Variants in TPTE2 observed in about 807,000 individuals in gnomAD.
The protein encoded by TPTE2 is phosphatidylinositol 3,4,5-trisphosphate 3-phosphatase TPTE2.
Under a neutral mutation model 78.6 loss-of-function variants are expected in TPTE2, and 53 were observed. The ratio of observed to expected loss-of-function variants is 0.67; its 90% CI spans 0.54 to 0.85. TPTE2 has a LOEUF of 0.85. Ranked by LOEUF, TPTE2 falls within the 40% of genes least tolerant of loss-of-function variation. TPTE2 has a pLI of 0.00. For synonymous variants in TPTE2, 175 were observed against 206.2 expected (o/e 0.85, Z 1.30); for missense variants, 461 against 623.0 (o/e 0.74, Z 2.77).
intron 1 of TPTE2, among the ~76,000 whole-genome samples, chr13:19,511,380 C>T (rs1247114126): frequency 1.3e-5 from 2 of 149,766 alleles, no homozygotes; most frequent in African/African-American, 5.0e-5. Context: ...GGCAAAACAA[C>T]AATACATAGT....
intron 1 of TPTE2, among the ~76,000 whole-genome samples, chr13:19,509,622 C>G (rs561974370): frequency 9.2e-5 from 14 of 152,244 alleles, no homozygotes; most frequent in Admixed American, 2.0e-4. Context: ...TATTTAAAGG[C>G]TTTCCCTCTC....
At chr13:19,527,112 C>T (rs1870551774) in intron 1 of TPTE2, among the ~76,000 whole-genome samples, 1 of 152,058 alleles carries the variant, frequency 6.6e-6, no homozygotes, top group Non-Finnish European at 1.5e-5. Flanking sequence ...TCAAGACCAG[C>T]CTGGCCAACA....
chr13:19,554,704 A>G, the TPTE2 span, among the ~76,000 whole-genome samples: 1 of 152,194 alleles, frequency 6.6e-6, no homozygotes, highest in African/African-American at 2.4e-5. Flanking sequence ...ACTCTTGCCA[A>G]GCCCACTAAA....
At chr13:19,499,922 AAG>A (rs1229928495) in intron 1 of TPTE2, among the ~76,000 whole-genome samples, 2 of 144,594 alleles carry the variant, frequency 1.4e-5, no homozygotes, top group Non-Finnish European at 3.0e-5. Flanking sequence ...TAAAGAAAAA[AAG>A]AGAGAAGAAT....
chr13:19,516,744 C>A lies in TPTE2; in HGVS notation c.-43-13467G>T. ...ACAGAGCATTCACCATTAGGGCAAC[C>A]AGCCGCCCCTGTAGGAAAGATTAAA... On this transcript the variant is annotated intron_variant, in intron 1 of 17. Transcript: ENST00000390680. Among the ~76,000 whole-genome samples the A allele has an allele frequency of 1.3e-5, 2 of 152,108 alleles. 1 individual carries two copies. The highest frequency in any genetic ancestry group is 6.3e-3 in the Middle Eastern group (2 of 316).
chr13:19,443,737 TAC>T (rs373060672), intron 13 of TPTE2, among the ~76,000 whole-genome samples: 61,653 of 129,468 alleles, frequency 0.48, 14,107 homozygotes, highest in Non-Finnish European at 0.55. Context: ...TGGTAGCTAA[TAC>T]ACACACACAC....
chr13:19,504,529 A>G (rs1278514282), upstream of TPTE2, among the ~76,000 whole-genome samples: 1 of 151,976 alleles, frequency 6.6e-6, no homozygotes, highest in Non-Finnish European at 1.5e-5. Flanking sequence ...CTCCCTGTCC[A>G]CTGCTACTCG....
At chr13:19,466,961 C>G (rs1285410170) in intron 7 of TPTE2, among the ~76,000 whole-genome samples, 1 of 152,216 alleles carries the variant, frequency 6.6e-6, no homozygotes, top group East Asian at 1.9e-4. Context: ...AAAGTTAGTA[C>G]AAGAGTAAAA....
At chr13:19,426,172 T>G in intron 18 of TPTE2, 2 of 371,824 alleles carry the variant, frequency 5.4e-6, no homozygotes, top group South Asian at 2.5e-5. Flanking sequence ...TTTTTTGTGT[T>G]TATTTTGTAT....
intron 1 of TPTE2, among the ~76,000 whole-genome samples, chr13:19,528,308 A>G (rs1870645184): frequency 6.6e-6 from 1 of 151,834 alleles, no homozygotes; most frequent in African/African-American, 2.4e-5. Flanking sequence ...AATCGCTTGA[A>G]TCCAAGAGGC....
At position 19,464,832 on chromosome 13, in the gene TPTE2, C is replaced by T. The variant is rs1342878475; in HGVS notation, c.677-312G>A. 4.6e-5 allele frequency among the ~76,000 whole-genome samples: 7 copies of T among 152,280 alleles called. No homozygotes were observed. The East Asian group carries it at 1.3e-3, about 29-fold the overall frequency. Reference sequence around the variant, plus strand: ...TCTTATCTTAAATACCAGAGAAAATCCAAGATTTCTGGGCACCAGTGACGG... The same window carrying T: ...TCTTATCTTAAATACCAGAGAAAATTCAAGATTTCTGGGCACCAGTGACGG... On this transcript the variant is annotated intron_variant, in intron 9 of 19. Transcript: ENST00000400230.
chr13:19,473,980 C>T lies in TPTE2; in HGVS notation c.326G>A (p.Arg109His), dbSNP rs761018097. The T allele has an allele frequency of 3.9e-5, 62 of 1,608,136 alleles. No individual in the cohort carries two copies. The highest frequency in any genetic ancestry group is 2.3e-4 in the Middle Eastern group (1 of 4,436). The change falls in exon 6 of 20, where the codon CGT (arginine) becomes CAT (histidine). Residue 109 changes from arginine to histidine, a missense_variant. Coordinates refer to ENST00000400230, the Ensembl canonical transcript of TPTE2. ...TAAGCCAATAGCTAGAGAAATAGAA[C>T]GATACTCCAAAGGAATATAAAGTTT...
intron 3 of TPTE2, among the ~76,000 whole-genome samples, chr13:19,484,159 T>C (rs1880522617): frequency 6.6e-6 from 1 of 152,226 alleles, no homozygotes; most frequent in Non-Finnish European, 1.5e-5. Context: ...GTATATTGTG[T>C]TTCTAGTTAC....
chr13:19,522,277 G>A (rs567223233), intron 1 of TPTE2, among the ~76,000 whole-genome samples: 1 of 152,324 alleles, frequency 6.6e-6, no homozygotes, highest in South Asian at 2.1e-4. Flanking sequence ...GGATATGCCA[G>A]AGAGAAGCCA....
rs61956989 is a variant in TPTE2 at position 19,478,415 on chromosome 13, C to A, written c.180-2792G>T. Among the ~76,000 whole-genome samples the A allele has an allele frequency of 9.4e-3, 1,429 of 152,326 alleles. 11 individuals carry two copies. The highest frequency in any genetic ancestry group is 0.012 in the Non-Finnish European group (844 of 68,034). On this transcript the variant is annotated intron_variant, in intron 4 of 19. Coordinates refer to ENST00000400230, the Ensembl canonical transcript of TPTE2. ...GCCAACAGACACATGAAAAATTGCT[C>A]ACCATCACTGGCCATCAGAGAAATG... is the stretch of plus-strand genomic sequence containing the variant.
chr13:19,558,068 A>G, the TPTE2 span, among the ~76,000 whole-genome samples: 6 of 152,324 alleles, frequency 3.9e-5, no homozygotes, highest in East Asian at 3.9e-4. Flanking sequence ...AATATTATCA[A>G]TTGGTCCAAG....
At position 19,486,449 on chromosome 13, in the gene TPTE2, T is replaced by G. The variant is rs188808904; in HGVS notation, c.120-3902A>C. 1.2e-4 allele frequency among the ~76,000 whole-genome samples: 18 copies of G among 152,176 alleles called. No individual in the cohort carries two copies. The East Asian group carries it at 2.1e-3, about 18-fold the overall frequency. On this transcript the variant is annotated intron_variant, in intron 3 of 19. Transcript: ENST00000400230. The surrounding 1 kb of genome is among the most constrained non-coding windows in gnomAD (Gnocchi z 4.3). ...GAGTATGGCCTTATGCGGCTGGCCA[T>G]GGTGCTGTCACTCTAGCCAGGAGCA...
chr13:19,527,262 C>A (rs560623072), intron 1 of TPTE2, among the ~76,000 whole-genome samples: 23 of 152,280 alleles, frequency 1.5e-4, no homozygotes, highest in African/African-American at 5.5e-4. Context: ...AGGGTGACTA[C>A]AGTTAACAAA....
At chr13:19,480,431 C>CA (rs1880275891) in intron 4 of TPTE2, among the ~76,000 whole-genome samples, 1 of 151,922 alleles carries the variant, frequency 6.6e-6, no homozygotes, top group Admixed American at 6.6e-5. Context: ...AAAATAAATT[C>CA]AAAACAGAAA....
Sources: allele counts gnomAD v4.1 joint callset (sites outside exome capture counted in the v4.1 genomes callset), GRCh38; gene constraint gnomAD v4.1.1; non-coding constraint Gnocchi (gnomAD v3.1); transcripts MANE v1.5; gene names NCBI Gene and HGNC (gene_info 2026-07-23, HGNC 2026-07-21).